The following PRDM12 variants were observed in gnomAD, a reference collection of about 807,000 sequenced individuals.
PRDM12 encodes PR/SET domain 12, also known as PR domain zinc finger protein 12.
PRDM12 carries 17 observed loss-of-function variants against 29.6 expected under a neutral mutation model. The ratio of observed to expected loss-of-function variants is 0.57; its 90% confidence interval spans 0.39 to 0.86. PRDM12 has a LOEUF of 0.86. Ranked by LOEUF, PRDM12 falls within the 40% of genes least tolerant of loss-of-function variation. PRDM12 has a pLI of 0.00. For missense variants in PRDM12, 422 were observed against 510.8 expected (o/e 0.83, Z 1.68); for synonymous variants, 231 against 225.8 (o/e 1.02, Z -0.21).
intron 3 of PRDM12, among the ~76,000 whole-genome samples, chr9:130,673,807 G>T (rs1446319793): frequency 1.3e-5 from 2 of 151,076 alleles, no homozygotes; most frequent in African/African-American, 4.9e-5. Context: ...GCGTAGCTGG[G>T]ATTACAGGCA....
At chr9:130,669,094 G>A (rs1001876452) in intron 3 of PRDM12, among the ~76,000 whole-genome samples, 11 of 151,952 alleles carry the variant, frequency 7.2e-5, no homozygotes, top group Admixed American at 2.0e-4. Context: ...GTGAATTGCC[G>A]AGGCGGGCAG....
At position 130,678,518 on chromosome 9, in the gene PRDM12, C is replaced by T. The variant is rs368639270; in HGVS notation, c.571-11C>T. On this transcript the variant is annotated splice_polypyrimidine_tract_variant and intron_variant, in intron 3 of 4. Coordinates refer to ENST00000253008, the MANE Select transcript of PRDM12 (RefSeq NM_021619.3). Reference sequence around the variant, plus strand: ...GGCCTCCCTGACCTCCTCTTGCCTTCTTCCCTGCAGATGATCCCACCTGAC... The same window carrying T: ...GGCCTCCCTGACCTCCTCTTGCCTTTTTCCCTGCAGATGATCCCACCTGAC... 44 of 1,600,910 alleles carry T rather than the reference C, an allele frequency of 2.7e-5. No homozygotes were observed. The East Asian group carries it at 2.9e-4, about 11-fold the overall frequency.
chr9:130,666,112 C>A (rs898847969), intron 1 of PRDM12, among the ~76,000 whole-genome samples: 11 of 152,204 alleles, frequency 7.2e-5, no homozygotes, highest in Admixed American at 1.3e-4. Context: ...GGTCTGTCCC[C>A]AGCGCTGATC....
intron 3 of PRDM12, among the ~76,000 whole-genome samples, chr9:130,671,110 T>C (rs775342812): frequency 3.7e-4 from 56 of 151,974 alleles, no homozygotes; most frequent in South Asian, 2.1e-4. Flanking sequence ...TTTCAGAGGA[T>C]GAAGTGGATG....
chr9:130,668,283 C>T lies in PRDM12; in HGVS notation c.540C>T (p.Ile180=), dbSNP rs145300834. 8.4e-5 allele frequency: 135 copies of T among 1,614,052 alleles called. No individual in the cohort carries two copies. The African/African-American group carries it at 1.3e-3, about 15-fold the overall frequency. ...AGCAGAACCTGGAGGTGGTCCAGATCGGCACCAGCATCTTCTACAAGGCCA... is the reference window on the plus strand; with the variant it reads ...AGCAGAACCTGGAGGTGGTCCAGATTGGCACCAGCATCTTCTACAAGGCCA... The part of the protein sequence containing the change: ...EQEQNLEVVQ[I]GTSIFYKAIE... The change falls in exon 3 of 5, where the codon ATC becomes ATT. Residue 180 remains isoleucine, a synonymous_variant. Coordinates refer to ENST00000253008, the MANE Select transcript of PRDM12 (RefSeq NM_021619.3). The surrounding 1 kb of genome is among the most constrained non-coding windows in gnomAD (Gnocchi z 4.0).
At position 130,664,971 on chromosome 9, in the gene PRDM12, C is replaced by T. The variant is rs1414169509; in HGVS notation, c.223+95C>T. 5.6e-6 allele frequency: 7 copies of T among 1,248,378 alleles called. No homozygotes were observed. The African/African-American group carries it at 1.1e-4, about 19-fold the overall frequency. The allele number at this position is 1,248,378 out of a possible 1,614,324, so 77.3% of individuals were successfully genotyped here. On this transcript the variant is annotated intron_variant, in intron 1 of 4. Transcript: ENST00000253008. The surrounding 1 kb of genome is among the most constrained non-coding windows in gnomAD (Gnocchi z 6.4). ...GCGAGACGCGGCTGGGATACCCGGCCTCGCTGCTACTCGCGCCAACCTGGG... is the reference window on the plus strand; with the variant it reads ...GCGAGACGCGGCTGGGATACCCGGCTTCGCTGCTACTCGCGCCAACCTGGG...
At chr9:130,674,492 TTGTGTGTG>T (rs58489448) in intron 3 of PRDM12, among the ~76,000 whole-genome samples, 2,117 of 142,894 alleles carry the variant, frequency 0.015, 25 homozygotes, top group African/African-American at 0.032. Context: ...AAAAGATAAT[TTGTGTGTG>T]TGTGTGTGTG....
rs773763118 is a variant in PRDM12 at position 130,668,194 on chromosome 9, G to A, written c.451G>A (p.Asp151Asn). 3.7e-6 allele frequency: 6 copies of A among 1,614,084 alleles called. No individual in the cohort carries two copies. The highest frequency in any genetic ancestry group is 5.1e-6 in the Non-Finnish European group (6 of 1,180,012). ...GGATGGCACGGTGCGCTACTTCATC[G>A]ATGCCAGCCAGGAGGACCACCGGAG... ...NEDGTVRYFI[D>N]ASQEDHRSWM... The change falls in exon 3 of 5, where the codon GAT becomes AAT. Residue 151 changes from aspartate to asparagine, a missense_variant. Asp to Asn is a conservative substitution (Grantham distance 23). This residue lies in a region of PRDM12 where 300 missense variants were observed against 350.0 expected (regional missense o/e 0.86). Coordinates refer to ENST00000253008, the MANE Select transcript of PRDM12 (RefSeq NM_021619.3). The surrounding 1 kb of genome is among the most constrained non-coding windows in gnomAD (Gnocchi z 4.0).
chr9:130,681,118 C>A lies in PRDM12; in HGVS notation c.683-130C>A. The A allele has an allele frequency of 3.1e-6, 3 of 965,206 alleles. No individual in the cohort carries two copies. The highest frequency in any genetic ancestry group is 4.2e-6 in the Non-Finnish European group (3 of 720,310). 59.8% of individuals were successfully genotyped at this position (965,206 alleles called of 1,614,324 possible). A position where few individuals can be genotyped will look rare whatever the true frequency, so the allele number is the denominator to read the frequency against. Reference sequence around the variant, plus strand: ...CGTCTGCCACCGTCCAAGCAGCACCCACCCTCAAGGACGGACCGGCCCCGG... The same window carrying A: ...CGTCTGCCACCGTCCAAGCAGCACCAACCCTCAAGGACGGACCGGCCCCGG... On this transcript the variant is annotated intron_variant, in intron 4 of 4. Coordinates refer to ENST00000253008, the MANE Select transcript of PRDM12 (RefSeq NM_021619.3). This position sits in a 1 kb window ranked among gnomAD's most constrained non-coding sequence, Gnocchi z 8.1.
intron 3 of PRDM12, among the ~76,000 whole-genome samples, chr9:130,677,165 T>C (rs920405517): frequency 6.6e-6 from 1 of 152,154 alleles, no homozygotes; most frequent in Non-Finnish European, 1.5e-5. Context: ...CCTCAAGTAA[T>C]CCACCCGCCT....
In PRDM12 at chr9:130,667,439, T is replaced by C. The variant is rs1289064695; in HGVS notation, c.414+641T>C. ...GTGCCAGGGAGGGCCACCCCTGTGCTTCTTCCTAACTTTGCAGAACGGGAA... is the reference window on the plus strand; with the variant it reads ...GTGCCAGGGAGGGCCACCCCTGTGCCTCTTCCTAACTTTGCAGAACGGGAA... On this transcript the variant is annotated intron_variant, in intron 2 of 4. Coordinates refer to ENST00000253008, the MANE Select transcript of PRDM12 (RefSeq NM_021619.3). Among the ~76,000 whole-genome samples the C allele has an allele frequency of 4.6e-5, 7 of 152,202 alleles. No homozygotes were observed. In the East Asian group the frequency reaches 1.2e-3, roughly 25 times the overall value.
At chr9:130,666,927 C>G (rs1158003485) in intron 2 of PRDM12, 129 bp downstream of exon 2, 2 of 1,271,966 alleles carry the variant, frequency 1.6e-6, no homozygotes, top group East Asian at 2.9e-5. Flanking sequence ...GCCTGGACGC[C>G]CCCTGAGCCG....
chr9:130,681,671 C>T lies in PRDM12; in HGVS notation c.*2C>T, dbSNP rs987398480. On this transcript the variant is annotated 3_prime_UTR_variant, in exon 5 of 5. Transcript: ENST00000253008. This position sits in a 1 kb window ranked among gnomAD's most constrained non-coding sequence, Gnocchi z 8.1. Reference sequence around the variant, plus strand: ...CACCTGCCGGCCATGGTGCTGTGAGCGCGCCCGCGCCCCCGCCGGGCCCCG... The same window carrying T: ...CACCTGCCGGCCATGGTGCTGTGAGTGCGCCCGCGCCCCCGCCGGGCCCCG... 3.2e-5 allele frequency: 31 copies of T among 979,598 alleles called. No individual in the cohort carries two copies. The South Asian group carries it at 1.2e-3, about 37-fold the overall frequency. 60.7% of individuals were successfully genotyped at this position (979,598 alleles called of 1,614,324 possible).
At position 130,668,126 on chromosome 9, in the gene PRDM12, C is replaced by T. The variant is rs1229536231; in HGVS notation, c.415-32C>T. Reference sequence around the variant, plus strand: ...AGATGGTACACATGGCATAGCCCTGCCTTACCTGGTCCTTGATCCATCTGT... The same window carrying T: ...AGATGGTACACATGGCATAGCCCTGTCTTACCTGGTCCTTGATCCATCTGT... On this transcript the variant is annotated intron_variant, in intron 2 of 4. Transcript: ENST00000253008. The surrounding 1 kb of genome is among the most constrained non-coding windows in gnomAD (Gnocchi z 4.0). The T allele has an allele frequency of 6.2e-7, 1 of 1,612,380 alleles. No individual in the cohort carries two copies. The highest frequency in any genetic ancestry group is 1.3e-5 in the African/African-American group (1 of 74,866).
rs7024667 is a variant in PRDM12 at position 130,678,802 on chromosome 9, C to T, written c.682+162C>T. The stretch of plus-strand genomic sequence containing the variant: ...GATCAGACATACAGGTCCAAGGAGG[C>T]TGATGCCCCTGGAGCTGCCGCATGG... On this transcript the variant is annotated intron_variant, in intron 4 of 4. Transcript: ENST00000253008. 0.22 allele frequency among the ~76,000 whole-genome samples: 33,361 copies of T among 151,920 alleles called. 4,267 individuals are homozygous for T. Among genetic ancestry groups the T allele is most frequent in the East Asian group, 0.56 (2,871 of 5,132 alleles).
intron 1 of PRDM12, 52 bp from the exon 2 acceptor site, chr9:130,666,556 G>T: frequency 2.5e-6 from 4 of 1,569,754 alleles, no homozygotes; most frequent in Non-Finnish European, 3.5e-6. Flanking sequence ...AGGAAGGGCC[G>T]GGCCTCGGCT....
chr9:130,670,429 G>A (rs934079860), intron 3 of PRDM12, among the ~76,000 whole-genome samples: 1 of 152,150 alleles, frequency 6.6e-6, no homozygotes, highest in African/African-American at 2.4e-5. Context: ...CCAGCTGAGG[G>A]GGGTGGTGCT....
At position 130,681,447 on chromosome 9, in the gene PRDM12, G is replaced by A. The variant is rs765720995; in HGVS notation, c.882G>A (p.Thr294=). 1.5e-5 allele frequency: 24 copies of A among 1,590,806 alleles called. No homozygotes were observed. The East Asian group carries it at 4.1e-4, about 27-fold the overall frequency. ...STLRNHVRLH[T]GERPYKCQVC... is the part of the protein sequence containing the mutation. ...TGCGCAACCACGTGCGCCTGCACAC[G>A]GGCGAGCGCCCCTACAAGTGCCAGG... Residue 294 remains threonine, a synonymous_variant, in exon 5 of 5, where the codon ACG becomes ACA. Coordinates refer to ENST00000253008, the MANE Select transcript of PRDM12 (RefSeq NM_021619.3). This position sits in a 1 kb window ranked among gnomAD's most constrained non-coding sequence, Gnocchi z 8.1.
chr9:130,680,463 T>A (rs1830883320), intron 4 of PRDM12, among the ~76,000 whole-genome samples: 1 of 150,932 alleles, frequency 6.6e-6, no homozygotes. Context: ...TGAAACCCCG[T>A]CTGTACTAAA....
Sources: allele counts gnomAD v4.1 joint callset (sites outside exome capture counted in the v4.1 genomes callset), GRCh38; gene constraint gnomAD v4.1.1; regional missense constraint gnomAD v4.1.1; non-coding constraint Gnocchi (gnomAD v3.1); transcripts MANE v1.5; gene names NCBI Gene and HGNC (gene_info 2026-07-23, HGNC 2026-07-21).